NUP133: variants seen among roughly 807,000 people sequenced by gnomAD.
The protein encoded by NUP133 is nuclear pore complex protein Nup133.
A neutral mutation model predicts 146.2 loss-of-function variants in NUP133; 66 were observed. The ratio of observed to expected loss-of-function variants is 0.45; its 90% CI spans 0.37 to 0.55. The LOEUF (loss-of-function observed/expected upper bound fraction) is 0.55, where lower values mean the gene tolerates loss of function less well. Ranked by LOEUF, NUP133 falls within the 20% of genes least tolerant of loss-of-function variation. NUP133 has a pLI of 0.00. For missense variants in NUP133, 1,277 were observed against 1,374.8 expected, an observed-to-expected ratio of 0.93 and a Z score of 1.12; for synonymous variants, 521 against 498.8, an observed-to-expected ratio of 1.04 and a Z score of -0.59.
At chr1:229,465,329 C>T (rs141111610) in intron 17 of NUP133, 91 bp downstream of exon 17, 1 of 1,008,196 alleles carries the variant, frequency 9.9e-7, no homozygotes, top group East Asian at 2.4e-5. Flanking sequence ...ATTTCACTTA[C>T]AAACCTACGC....
intron 14 of NUP133, among the ~76,000 whole-genome samples, chr1:229,474,883 T>A (rs977178167): frequency 6.6e-6 from 1 of 151,990 alleles, no homozygotes; most frequent in African/African-American, 2.4e-5. Context: ...TGCAGTGATT[T>A]CTTGAGCCCA....
At chr1:229,474,012 G>C (rs1227949478) in intron 14 of NUP133, among the ~76,000 whole-genome samples, 1 of 152,172 alleles carries the variant, frequency 6.6e-6, no homozygotes, top group Admixed American at 6.5e-5. Flanking sequence ...TCACTTTACT[G>C]GAAGTAACAT....
chr1:229,470,301 AAG>A (rs1553258086), intron 15 of NUP133, among the ~76,000 whole-genome samples: 3 of 150,144 alleles, frequency 2.0e-5, no homozygotes, highest in East Asian at 1.9e-4. Flanking sequence ...AAAAAAAAAA[AAG>A]AAGATCAGCA....
At position 229,440,869 on chromosome 1, in the gene NUP133, T is replaced by C. The variant is rs73112268; in HGVS notation, c.*1035A>G. 0.054 allele frequency: 8,295 copies of C among 152,978 alleles called. 680 individuals carry two copies. Among genetic ancestry groups the C allele is most frequent in the African/African-American group, 0.18 (7,469 of 41,566 alleles). 9.5% of individuals were successfully genotyped at this position (152,978 alleles called of 1,614,324 possible). ...GCCTGCGGGGGAGACGGCCTGATGC[T>C]GGGCTCTGTGAATCCAGGAACCGGA... On this transcript the variant is annotated 3_prime_UTR_variant, in exon 26 of 26. Transcript: ENST00000261396.
Position 229,475,631 on chromosome 1 carries a change from C to T in NUP133, c.1851+7G>A, listed in dbSNP as rs572331948. 4.3e-5 allele frequency: 70 copies of T among 1,609,460 alleles called. No individual in the cohort carries two copies. In the East Asian group the frequency reaches 1.5e-3, roughly 34 times the overall value. On this transcript the variant is annotated splice_region_variant and intron_variant, in intron 14 of 25. Coordinates refer to ENST00000261396, the MANE Select transcript of NUP133 (RefSeq NM_018230.3). ...AGAGCCCTGTGCCCAGCACCCTGCG[C>T]TCTTACTTGATGAATAAAGTCCATA...
In NUP133 at chr1:229,460,785, C is replaced by T. The variant is rs77564806; in HGVS notation, c.2686-16G>A. ...CTGAAAAATTCTACAAATAACAGAACATAGAATTCATTCATAATAGTTTAA... is the reference window on the plus strand; with the variant it reads ...CTGAAAAATTCTACAAATAACAGAATATAGAATTCATTCATAATAGTTTAA... On this transcript the variant is annotated splice_polypyrimidine_tract_variant and intron_variant, in intron 19 of 25. Coordinates refer to ENST00000261396, the MANE Select transcript of NUP133 (RefSeq NM_018230.3). 260 of 1,595,070 alleles carry T rather than the reference C, an allele frequency of 1.6e-4. No individual in the cohort carries two copies. The East Asian group carries it at 5.7e-3, about 35-fold the overall frequency.
intron 25 of NUP133, among the ~76,000 whole-genome samples, chr1:229,444,465 A>C (rs1390760032): frequency 6.6e-6 from 1 of 152,244 alleles, no homozygotes; most frequent in Non-Finnish European, 1.5e-5. Flanking sequence ...TATTAGTGCT[A>C]GATACTTAAT....
chr1:229,457,635 T>G (rs898143340), intron 21 of NUP133, among the ~76,000 whole-genome samples: 8 of 152,244 alleles, frequency 5.3e-5, no homozygotes, highest in Admixed American at 2.0e-4. Context: ...AATTTTTTTG[T>G]TAATTCTCTT....
chr1:229,446,260 T>C (rs1660298935), intron 24 of NUP133, among the ~76,000 whole-genome samples: 1 of 151,806 alleles, frequency 6.6e-6, no homozygotes, highest in Non-Finnish European at 1.5e-5. Context: ...TACAAAAAAA[T>C]TAGCTGGGCG....
At chr1:229,474,053 G>A (rs1489081537) in intron 14 of NUP133, among the ~76,000 whole-genome samples, 1 of 152,232 alleles carries the variant, frequency 6.6e-6, no homozygotes, top group African/African-American at 2.4e-5. Context: ...CCCTTAAGAA[G>A]CCTACAGCTT....
intron 14 of NUP133, among the ~76,000 whole-genome samples, chr1:229,473,202 C>T (rs368801655): frequency 2.0e-5 from 3 of 151,376 alleles, no homozygotes; most frequent in Admixed American, 6.6e-5. Flanking sequence ...CAGTGAGCTG[C>T]GATCGTGCCA....
At position 229,475,509 on chromosome 1, in the gene NUP133, C is replaced by T; in HGVS notation, c.1851+129G>A. 6.4e-6 allele frequency: 4 copies of T among 621,338 alleles called. No homozygotes were observed. The South Asian group carries it at 8.8e-5, about 14-fold the overall frequency. 38.5% of individuals were successfully genotyped at this position (621,338 alleles called of 1,614,324 possible). A position where few individuals can be genotyped will look rare whatever the true frequency, so the allele number is the denominator to read the frequency against. ...CTGGAATTACGGACTTTTAAATCAG[C>T]AGAGACAATGGAAAACACCAGTCAT... On this transcript the variant is annotated intron_variant, in intron 14 of 25. Coordinates refer to ENST00000261396, the MANE Select transcript of NUP133 (RefSeq NM_018230.3).
intron 2 of NUP133, among the ~76,000 whole-genome samples, chr1:229,505,562 G>GT (rs1307380470): frequency 3.7e-4 from 29 of 77,850 alleles, no homozygotes; most frequent in African/African-American, 1.3e-3. Context: ...CTCAATTACA[G>GT]TTAAAAAAAA....
rs776317663 is a variant in NUP133 at position 229,465,481 on chromosome 1, T to C, written c.2238A>G (p.Arg746=). Residue 746 remains arginine (R), a synonymous_variant, in exon 17 of 26, where the codon AGA becomes AGG. Transcript: ENST00000261396. The part of the protein sequence containing the change: ...LQAASHYRQN[R]NSLYRREESL... ...ATTCTTCTCTTCTATACAAAGAGTT[T>C]CTATTTTGGCGATAATGACTAGCAG... 4 of 1,613,944 alleles carry C rather than the reference T, an allele frequency of 2.5e-6. No homozygotes were observed. The African/African-American group carries it at 4.0e-5, about 16-fold the overall frequency.
At position 229,483,591 on chromosome 1, in the gene NUP133, G is replaced by C. The variant is rs543392810; in HGVS notation, c.1592+463C>G. ...GTAGTGGTACACGCCTGCAGTCCCA[G>C]CTACTTGGGAGGCTGAGGCAGGAGA... On this transcript the variant is annotated intron_variant, in intron 12 of 25. Transcript: ENST00000261396. Among the ~76,000 whole-genome samples the C allele has an allele frequency of 4.6e-5, 7 of 150,998 alleles. No individual in the cohort carries two copies. The South Asian group carries it at 6.3e-4, about 14-fold the overall frequency.
At chr1:229,447,533 G>C (rs1660327478) in intron 24 of NUP133, among the ~76,000 whole-genome samples, 1 of 151,872 alleles carries the variant, frequency 6.6e-6, no homozygotes, top group Admixed American at 6.6e-5. Flanking sequence ...CTTCAGGATA[G>C]GGGCTGGTCA....
At chr1:229,466,848 C>T in intron 15 of NUP133, 92 bp from the exon 16 acceptor site, 1 of 1,219,262 alleles carries the variant, frequency 8.2e-7, no homozygotes, top group Non-Finnish European at 1.1e-6. Flanking sequence ...AAGCCATATC[C>T]TCAGACCTAT....
intron 9 of NUP133, among the ~76,000 whole-genome samples, chr1:229,488,783 C>T (rs932713775): frequency 1.3e-5 from 2 of 152,064 alleles, no homozygotes; most frequent in African/African-American, 4.8e-5. Context: ...GGCTACCGTG[C>T]ACTCTGATGG....
At chr1:229,499,338 GGA>G in intron 5 of NUP133, 1 of 454,918 alleles carries the variant, frequency 2.2e-6, no homozygotes, top group Non-Finnish European at 4.5e-6. Flanking sequence ...TTGATATTTT[GGA>G]GTCCTGTGAG....
Sources: allele counts gnomAD v4.1 joint callset (sites outside exome capture counted in the v4.1 genomes callset), GRCh38; gene constraint gnomAD v4.1.1; transcripts MANE v1.5; gene names NCBI Gene and HGNC (gene_info 2026-07-23, HGNC 2026-07-21).